Variants in RANBP2 observed in about 807,000 individuals in gnomAD.
The protein encoded by RANBP2 is E3 SUMO-protein ligase RanBP2.
RANBP2 carries 57 observed loss-of-function variants against 303.6 expected under a neutral mutation model. The observed-to-expected ratio is 0.19, with a 90% CI of 0.15 to 0.23. The LOEUF (loss-of-function observed/expected upper bound fraction) is 0.23, where lower values mean the gene tolerates loss of function less well. Ranked by LOEUF, RANBP2 falls within the 10% of genes least tolerant of loss-of-function variation. The pLI is 1.00. For missense variants in RANBP2, 3,138 were observed against 3,780.8 expected (o/e 0.83, Z 4.46); for synonymous variants, 1,167 against 1,301.5 (o/e 0.90, Z 2.23).
At chr2:109,640,260 G>A in the RANBP2 span, among the ~76,000 whole-genome samples, 2 of 151,898 alleles carry the variant, frequency 1.3e-5, no homozygotes, top group South Asian at 2.1e-4. Flanking sequence ...GAGACCAGTC[G>A]GGCCAACATG....
intron 23 of RANBP2, among the ~76,000 whole-genome samples, chr2:108,774,843 T>A (rs997665462): frequency 1.7e-4 from 26 of 151,870 alleles, no homozygotes; most frequent in African/African-American, 5.1e-4. Context: ...GTATCTGCGA[T>A]TATAGGCGTG....
chr2:109,443,473 GA>G, the RANBP2 span, among the ~76,000 whole-genome samples: 1 of 152,270 alleles, frequency 6.6e-6, no homozygotes, highest in Non-Finnish European at 1.5e-5. Context: ...GAAAATAACT[GA>G]AAGCACCACA....
the RANBP2 span, among the ~76,000 whole-genome samples, chr2:109,335,206 G>A: frequency 3.9e-5 from 6 of 152,228 alleles, no homozygotes; most frequent in Admixed American, 6.5e-5. Flanking sequence ...CGAGGCCTAC[G>A]CACCTCAGAG....
At chr2:109,062,773 G>A in the RANBP2 span, among the ~76,000 whole-genome samples, 52 of 151,728 alleles carry the variant, frequency 3.4e-4, no homozygotes, top group African/African-American at 1.2e-3. Flanking sequence ...AAATCCATTT[G>A]CTTTTGATCC....
At chr2:109,721,412 G>A in the RANBP2 span, among the ~76,000 whole-genome samples, 4 of 152,284 alleles carry the variant, frequency 2.6e-5, no homozygotes, top group South Asian at 2.1e-4. Context: ...GCAGAAACAC[G>A]CTGGGCATGC....
chr2:109,097,275 G>C, the RANBP2 span, among the ~76,000 whole-genome samples: 7 of 152,116 alleles, frequency 4.6e-5, no homozygotes, highest in African/African-American at 1.7e-4. Flanking sequence ...CTGCACTCCA[G>C]CCTGCTGACA....
chr2:109,583,545 G>A, the RANBP2 span, among the ~76,000 whole-genome samples: 6 of 152,336 alleles, frequency 3.9e-5, no homozygotes, highest in African/African-American at 1.2e-4. Flanking sequence ...TGGTGGGAAT[G>A]TAAATTAATG....
the RANBP2 span, among the ~76,000 whole-genome samples, chr2:109,163,467 C>T: frequency 9.8e-5 from 12 of 122,070 alleles, no homozygotes; most frequent in Admixed American, 2.2e-4. Flanking sequence ...GGCGGGATCT[C>T]GGCTCACTGC....
At chr2:109,069,425 A>G in the RANBP2 span, among the ~76,000 whole-genome samples, 8 of 152,224 alleles carry the variant, frequency 5.3e-5, no homozygotes, top group Non-Finnish European at 1.0e-4. Flanking sequence ...GAAATGGCCA[A>G]CTGAATGCTT....
the RANBP2 span, among the ~76,000 whole-genome samples, chr2:109,642,896 C>T: frequency 3.9e-5 from 6 of 152,110 alleles, no homozygotes; most frequent in Admixed American, 2.6e-4. Context: ...TAGTCTTGGC[C>T]GGGTGTGGTG....
At chr2:109,264,957 G>C in the RANBP2 span, among the ~76,000 whole-genome samples, 2 of 152,322 alleles carry the variant, frequency 1.3e-5, no homozygotes, top group South Asian at 2.1e-4. Flanking sequence ...GTGGGTGGCA[G>C]GGGGACTAGG....
the RANBP2 span, chr2:109,432,642 C>T: frequency 1.9e-6 from 3 of 1,612,586 alleles, no homozygotes; most frequent in East Asian, 2.2e-5. Context: ...CTGGGGTGTT[C>T]CCCGGAAACT....
At chr2:108,774,520 T>C (rs957567931) in intron 23 of RANBP2, among the ~76,000 whole-genome samples, 2 of 152,118 alleles carry the variant, frequency 1.3e-5, no homozygotes, top group Non-Finnish European at 2.9e-5. Flanking sequence ...GAGAAGTATT[T>C]TCTGTATTGC....
chr2:109,585,747 C>T, the RANBP2 span: 2 of 1,613,296 alleles, frequency 1.2e-6, no homozygotes, highest in South Asian at 2.2e-5. Flanking sequence ...AAAGCAGAAA[C>T]CTTGCTGAAT....
chr2:109,390,979 C>T, the RANBP2 span, among the ~76,000 whole-genome samples: 6 of 152,306 alleles, frequency 3.9e-5, no homozygotes, highest in South Asian at 8.3e-4. Flanking sequence ...GCCAACTGCC[C>T]CCAAGCAGCT....
At chr2:109,561,278 C>T in the RANBP2 span, among the ~76,000 whole-genome samples, 1 of 152,132 alleles carries the variant, frequency 6.6e-6, no homozygotes, top group Non-Finnish European at 1.5e-5. Context: ...CAAGTTACTA[C>T]AGCTCAAAAT....
chr2:109,473,671 G>A, the RANBP2 span, among the ~76,000 whole-genome samples: 1 of 152,106 alleles, frequency 6.6e-6, no homozygotes, highest in Non-Finnish European at 1.5e-5. Context: ...GGTGGAGGGA[G>A]GAAGCAGCGT....
At chr2:108,819,328 C>T in the RANBP2 span, among the ~76,000 whole-genome samples, 9 of 152,138 alleles carry the variant, frequency 5.9e-5, no homozygotes, top group Non-Finnish European at 1.0e-4. Context: ...TATTCCCTAC[C>T]GTCTCCCTTG....
chr2:109,016,480 T>C, the RANBP2 span, among the ~76,000 whole-genome samples: 1 of 152,194 alleles, frequency 6.6e-6, no homozygotes, highest in African/African-American at 2.4e-5. Context: ...TCCTCACCAT[T>C]TGATTTGAGG....
Sources: allele counts gnomAD v4.1 joint callset (sites outside exome capture counted in the v4.1 genomes callset), GRCh38; gene constraint gnomAD v4.1.1; transcripts MANE v1.5; gene names NCBI Gene and HGNC (gene_info 2026-07-23, HGNC 2026-07-21).